The following ADRA1B variants were observed in gnomAD, a reference collection of about 807,000 sequenced individuals.
ADRA1B encodes the protein alpha-1B adrenergic receptor.
In ADRA1B, 17 loss-of-function variants were observed where a neutral mutation model predicts 17.9. The observed-to-expected ratio is 0.95, with a 90% CI of 0.65 to 1.42. The LOEUF (loss-of-function observed/expected upper bound fraction) is 1.42. ADRA1B is among the 40% of genes most tolerant of loss of function. The pLI is 0.00. For missense variants in ADRA1B, 681 were observed against 722.1 expected (o/e 0.94, Z 0.65); for synonymous variants, 366 against 327.6 (o/e 1.12, Z -1.27).
At chr5:159,970,808 G>C (rs546900919) in intron 1 of ADRA1B, among the ~76,000 whole-genome samples, 1 of 152,104 alleles carries the variant, frequency 6.6e-6, no homozygotes, top group African/African-American at 2.4e-5. Flanking sequence ...TTTCGTTTTC[G>C]TTGTTGTTTT....
intron 1 of ADRA1B, among the ~76,000 whole-genome samples, chr5:159,942,941 A>G (rs1023967455): frequency 5.3e-5 from 8 of 152,194 alleles, no homozygotes; most frequent in Admixed American, 2.0e-4. Flanking sequence ...TTTCTTTATT[A>G]AAATAAAAAC....
Position 159,917,869 on chromosome 5 carries a change from A to C in ADRA1B, c.949+15A>C. 1 of 1,579,348 alleles carries C rather than the reference A, an allele frequency of 6.3e-7. No homozygotes were observed. Among genetic ancestry groups the C allele is most frequent in the South Asian group, 1.2e-5 (1 of 84,226 alleles). ...TCTACCGCTTGGTAAGTTGGGGACT[A>C]GCAGCAGGGGGACTGGGCATTTTTG... On this transcript the variant is annotated intron_variant, in intron 1 of 1. Transcript: ENST00000306675.
intron 1 of ADRA1B, among the ~76,000 whole-genome samples, chr5:159,925,290 A>G (rs1476451739): frequency 6.6e-6 from 1 of 152,234 alleles, no homozygotes; most frequent in Non-Finnish European, 1.5e-5. Flanking sequence ...TAAAGAAGAT[A>G]AAAATAATTG....
At chr5:159,881,180 CAAAAAAAAAAAA>C (rs35928792) in intron 1 of ADRA1B, among the ~76,000 whole-genome samples, 3 of 56,826 alleles carry the variant, frequency 5.3e-5, no homozygotes, top group African/African-American at 1.7e-4. Flanking sequence ...GACTCCGTCT[CAAAAAAAAAAAA>C]AAAAAAAAAA....
At chr5:159,880,519 C>T (rs1031436400) in intron 1 of ADRA1B, among the ~76,000 whole-genome samples, 4 of 152,172 alleles carry the variant, frequency 2.6e-5, no homozygotes, top group Non-Finnish European at 5.9e-5. Context: ...TAAAGGTCAT[C>T]CCATCTAAAC....
chr5:159,911,265 C>A (rs974854044), intron 1 of ADRA1B, among the ~76,000 whole-genome samples: 1 of 152,208 alleles, frequency 6.6e-6, no homozygotes, highest in African/African-American at 2.4e-5. Flanking sequence ...CTCCCCTTCA[C>A]CCTCGATTCT....
intron 1 of ADRA1B, among the ~76,000 whole-genome samples, chr5:159,942,308 C>G (rs4921100): frequency 6.6e-6 from 1 of 151,930 alleles, no homozygotes; most frequent in East Asian, 1.9e-4. Flanking sequence ...TACTAAAAAC[C>G]GCTAAATTGT....
At chr5:159,919,031 A>T (rs955965111) in intron 1 of ADRA1B, among the ~76,000 whole-genome samples, 1 of 152,178 alleles carries the variant, frequency 6.6e-6, no homozygotes, top group Admixed American at 6.5e-5. Context: ...AAACAGCTAT[A>T]AATTCTGAAG....
intron 1 of ADRA1B, among the ~76,000 whole-genome samples, chr5:159,920,269 A>G (rs1001695980): frequency 2.0e-5 from 3 of 152,088 alleles, no homozygotes; most frequent in Admixed American, 2.0e-4. Context: ...TGCCAATCTC[A>G]GACCTTTCCC....
At chr5:159,896,602 G>A (rs1475033187) in intron 1 of ADRA1B, among the ~76,000 whole-genome samples, 1 of 152,200 alleles carries the variant, frequency 6.6e-6, no homozygotes, top group Admixed American at 6.5e-5. Context: ...CTCAGGGTTT[G>A]GAAACGAAAT....
intron 1 of ADRA1B, among the ~76,000 whole-genome samples, chr5:159,957,421 C>T (rs1307237489): frequency 6.6e-6 from 1 of 150,546 alleles, no homozygotes. Context: ...GGGAGGATCA[C>T]TTGAGCCCAG....
intron 1 of ADRA1B, among the ~76,000 whole-genome samples, chr5:159,934,112 T>C (rs1476222554): frequency 6.6e-6 from 1 of 152,226 alleles, no homozygotes; most frequent in East Asian, 1.9e-4. Context: ...TTGAGCAGAT[T>C]CTGCCAGGGA....
At chr5:159,959,128 G>C (rs1755619183) in intron 1 of ADRA1B, among the ~76,000 whole-genome samples, 1 of 152,200 alleles carries the variant, frequency 6.6e-6, no homozygotes, top group African/African-American at 2.4e-5. Context: ...AAAGAGTTAA[G>C]AGGCACACCC....
At chr5:159,938,681 A>G (rs1755021982) in intron 1 of ADRA1B, among the ~76,000 whole-genome samples, 1 of 152,392 alleles carries the variant, frequency 6.6e-6, no homozygotes, top group Non-Finnish European at 1.5e-5. Context: ...TAGGATTTGC[A>G]TAGTTGAATG....
chr5:159,982,425 C>T, the ADRA1B span, among the ~76,000 whole-genome samples: 4 of 152,026 alleles, frequency 2.6e-5, no homozygotes, highest in East Asian at 1.9e-4. Context: ...CTTTGTGTCT[C>T]GGGGACCTCC....
chr5:159,928,594 G>C (rs918866592), intron 1 of ADRA1B, among the ~76,000 whole-genome samples: 3 of 152,218 alleles, frequency 2.0e-5, no homozygotes, highest in Non-Finnish European at 1.5e-5. Context: ...CTTGCTCCCC[G>C]CTAAGCTTTC....
intron 1 of ADRA1B, among the ~76,000 whole-genome samples, chr5:159,954,570 G>C (rs1755517575): frequency 6.6e-6 from 1 of 152,160 alleles, no homozygotes; most frequent in Non-Finnish European, 1.5e-5. Flanking sequence ...CACTGCCTCT[G>C]TGTGGTGCAA....
At chr5:159,929,738 T>C (rs1296835395) in intron 1 of ADRA1B, among the ~76,000 whole-genome samples, 2 of 151,924 alleles carry the variant, frequency 1.3e-5, no homozygotes, top group African/African-American at 4.8e-5. Flanking sequence ...TAGATTCTTA[T>C]TTGAATCAGA....
chr5:159,877,360 C>T (rs1180621928), intron 1 of ADRA1B, among the ~76,000 whole-genome samples: 4 of 152,168 alleles, frequency 2.6e-5, no homozygotes, highest in African/African-American at 9.7e-5. Context: ...ATGGGAAGGT[C>T]ATGCCGGGAG....
Sources: gnomAD v4.1 joint callset for allele counts (sites outside exome capture counted in the v4.1 genomes callset) on GRCh38, gnomAD v4.1.1 for gene constraint, MANE v1.5 for transcripts, NCBI Gene and HGNC (gene_info 2026-07-23, HGNC 2026-07-21) for gene names.